Variants in GALNTL5 observed in about 807,000 individuals in gnomAD.
GALNTL5 encodes polypeptide N-acetylgalactosaminyltransferase like 5, also known as inactive polypeptide N-acetylgalactosaminyltransferase-like protein 5.
A neutral mutation model predicts 51.0 loss-of-function variants in GALNTL5; 44 were observed. The ratio of observed to expected loss-of-function variants is 0.86; its 90% confidence interval spans 0.68 to 1.11. The LOEUF is 1.11. Ranked by LOEUF, GALNTL5 falls within the 50% of genes least tolerant of loss-of-function variation. GALNTL5 has a pLI of 0.00. For synonymous variants in GALNTL5, 192 were observed against 182.8 expected (o/e 1.05, Z -0.41); for missense variants, 528 against 531.8 (o/e 0.99, Z 0.07).
At chr7:152,007,716 C>T (rs2081667235) in intron 6 of GALNTL5, 111 bp from the exon 7 acceptor site, 1 of 747,170 alleles carries the variant, frequency 1.3e-6, no homozygotes, top group African/African-American at 1.8e-5. Flanking sequence ...CCACACCCGG[C>T]CTGTTTTCTC....
At chr7:152,012,410 A>G (rs749503883) in intron 7 of GALNTL5, among the ~76,000 whole-genome samples, 1 of 147,360 alleles carries the variant, frequency 6.8e-6, no homozygotes, top group Non-Finnish European at 1.5e-5. Context: ...AAACAAACAG[A>G]TGCTGGCGAG....
intron 5 of GALNTL5, among the ~76,000 whole-genome samples, chr7:151,996,668 G>C (rs974272967): frequency 6.6e-6 from 1 of 152,080 alleles, no homozygotes; most frequent in Non-Finnish European, 1.5e-5. Flanking sequence ...AGGATCGCTC[G>C]AGCCCAGGAG....
At chr7:152,002,651 G>T in intron 5 of GALNTL5, 63 bp from the exon 6 acceptor site, 1 of 1,565,450 alleles carries the variant, frequency 6.4e-7, no homozygotes, top group Admixed American at 1.8e-5. Flanking sequence ...ATTGAACTTT[G>T]ATTTGGATTG....
intron 4 of GALNTL5, 107 bp from the exon 5 acceptor site, chr7:151,987,052 C>A: frequency 1.0e-6 from 1 of 1,002,174 alleles, no homozygotes; most frequent in Non-Finnish European, 1.4e-6. Context: ...AAAGTTAGAA[C>A]TTCTGTGGAA....
intron 6 of GALNTL5, among the ~76,000 whole-genome samples, chr7:152,007,405 T>C (rs2151958896): frequency 6.7e-6 from 1 of 148,648 alleles, no homozygotes; most frequent in East Asian, 2.0e-4. Flanking sequence ...TTAGTATTAA[T>C]GTTTTCTCTT....
chr7:151,967,113 T>C, intron 1 of GALNTL5, 95 bp from the exon 2 acceptor site: 1 of 730,312 alleles, frequency 1.4e-6, no homozygotes, highest in Non-Finnish European at 2.2e-6. Context: ...AACGTGATTG[T>C]TTTTAAAACA....
At chr7:151,975,447 T>A (rs2081193913) in intron 3 of GALNTL5, among the ~76,000 whole-genome samples, 1 of 152,030 alleles carries the variant, frequency 6.6e-6, no homozygotes, top group African/African-American at 2.4e-5. Flanking sequence ...TTTTTTTGAG[T>A]CTTCTTTTTT....
chr7:151,988,192 A>G (rs2081384626), intron 5 of GALNTL5, among the ~76,000 whole-genome samples: 5 of 152,168 alleles, frequency 3.3e-5, no homozygotes, highest in Admixed American at 3.3e-4. Context: ...GGGGGCAGGT[A>G]TGACCTTGGT....
At chr7:152,017,958 C>T (rs1436882460) in intron 8 of GALNTL5, among the ~76,000 whole-genome samples, 1 of 152,098 alleles carries the variant, frequency 6.6e-6, no homozygotes, top group Non-Finnish European at 1.5e-5. Flanking sequence ...GATTCTCCTG[C>T]CTCAGCCTCC....
intron 3 of GALNTL5, among the ~76,000 whole-genome samples, chr7:151,975,472 C>T (rs2081194036): frequency 6.6e-6 from 1 of 151,988 alleles, no homozygotes; most frequent in Non-Finnish European, 1.5e-5. Flanking sequence ...ATTAGTCTAG[C>T]TAAAGGTTTG....
chr7:151,966,114 GC>G (rs1230767146), intron 1 of GALNTL5, among the ~76,000 whole-genome samples: 1 of 151,992 alleles, frequency 6.6e-6, no homozygotes, highest in African/African-American at 2.4e-5. Context: ...CACCCTACTT[GC>G]TTTTTGCACA....
At chr7:151,987,698 G>A (rs928347450) in intron 5 of GALNTL5, among the ~76,000 whole-genome samples, 8 of 152,188 alleles carry the variant, frequency 5.3e-5, no homozygotes, top group African/African-American at 1.7e-4. Flanking sequence ...ATAAGAGAAA[G>A]AGTTTATGGG....
intron 2 of GALNTL5, 150 bp from the exon 3 acceptor site, chr7:151,970,794 CA>C (rs373264058): frequency 4.6e-4 from 252 of 551,162 alleles, no homozygotes; most frequent in African/African-American, 4.4e-3. Context: ...CCACCTTTGC[CA>C]AGAATTATTT....
At chr7:152,007,431 T>TTTTTTTTC in intron 6 of GALNTL5, among the ~76,000 whole-genome samples, 1 of 147,130 alleles carries the variant, frequency 6.8e-6, no homozygotes, top group Non-Finnish European at 1.5e-5. Flanking sequence ...TTTTTTTTTT[T>TTTTTTTTC]TTTTGAGACA....
At position 151,984,469 on chromosome 7, in the gene GALNTL5, A is replaced by G. The variant is rs142690946; in HGVS notation, c.535+1317A>G. 2.4e-3 allele frequency among the ~76,000 whole-genome samples: 366 copies of G among 152,304 alleles called. 3 individuals carry two copies. Among genetic ancestry groups the G allele is most frequent in the African/African-American group, 8.5e-3 (354 of 41,572 alleles). On this transcript the variant is annotated intron_variant, in intron 4 of 8. Coordinates refer to ENST00000392800, the MANE Select transcript of GALNTL5 (RefSeq NM_145292.4). ...AACAGGCAGAGGAAGAAACCATCCCATGAGGTTCACCCTGCGGGGAAGTGA... is the reference window on the plus strand; with the variant it reads ...AACAGGCAGAGGAAGAAACCATCCCGTGAGGTTCACCCTGCGGGGAAGTGA...
rs1481638624 is a variant in GALNTL5 at position 151,967,293 on chromosome 7, T to C, written c.47T>C (p.Phe16Ser). The change falls in exon 2 of 9, where the codon TTT (phenylalanine) becomes TCT (serine). Residue 16 changes from phenylalanine (F) to serine (S), a missense_variant. By Grantham distance (155) the Phe-to-Ser change is radical. Coordinates refer to ENST00000392800, the MANE Select transcript of GALNTL5 (RefSeq NM_145292.4). ...GGTTTATTCTATGGGTCCTTGACATTTGGGATCTGGACAGCTCTGTTATTC... is the reference window on the plus strand; with the variant it reads ...GGTTTATTCTATGGGTCCTTGACATCTGGGATCTGGACAGCTCTGTTATTC... ...IQGLFYGSLT[F>S]GIWTALLFIY... is the part of the protein sequence containing the mutation. 1 of 1,613,942 alleles carries C rather than the reference T, an allele frequency of 6.2e-7. No individual in the cohort carries two copies. The highest frequency in any genetic ancestry group is 1.1e-5 in the South Asian group (1 of 91,080).
At chr7:151,957,656 G>T (rs2080942707) in intron 1 of GALNTL5, 2 of 151,946 alleles carry the variant, frequency 1.3e-5, no homozygotes, top group Non-Finnish European at 2.9e-5. Flanking sequence ...GTGACTATTA[G>T]CTGCATTCTT....
At position 151,982,054 on chromosome 7, in the gene GALNTL5, T is replaced by C. The variant is rs2081298485; in HGVS notation, c.369-932T>C. ...ATATATCTAAATAATAATTAATAAC[T>C]AATATTACTAGAATTCCAGAATTCA... On this transcript the variant is annotated intron_variant, in intron 3 of 8. Transcript: ENST00000392800. Among the ~76,000 whole-genome samples the C allele has an allele frequency of 2.6e-5, 4 of 152,218 alleles. No individual in the cohort carries two copies. The South Asian group carries it at 8.3e-4, about 32-fold the overall frequency.
intron 8 of GALNTL5, among the ~76,000 whole-genome samples, chr7:152,016,448 A>C (rs1370613757): frequency 6.6e-6 from 1 of 152,028 alleles, no homozygotes; most frequent in African/African-American, 2.4e-5. Context: ...TCAGTGAGCA[A>C]TAGGATCTCT....
Sources: allele counts gnomAD v4.1 joint callset (sites outside exome capture counted in the v4.1 genomes callset), GRCh38; gene constraint gnomAD v4.1.1; transcripts MANE v1.5; gene names NCBI Gene and HGNC (gene_info 2026-07-23, HGNC 2026-07-21).